The following RNF180 variants were observed in gnomAD, a reference collection of about 807,000 sequenced individuals.
RNF180 encodes the protein ring finger protein 180, also known as E3 ubiquitin-protein ligase RNF180.
In RNF180, 38 loss-of-function variants were observed where a neutral mutation model predicts 59.2. That is an observed-to-expected ratio of 0.64 (90% CI 0.50 to 0.84). RNF180 has a LOEUF of 0.84. RNF180 is among the 40% of genes least tolerant of loss of function. The pLI is 0.00. For missense variants in RNF180, 705 were observed against 700.9 expected, an observed-to-expected ratio of 1.01 and a Z score of -0.07; for synonymous variants, 262 against 240.3, an observed-to-expected ratio of 1.09 and a Z score of -0.84.
At chr5:64,252,449 A>G (rs567345282) in intron 5 of RNF180, among the ~76,000 whole-genome samples, 21 of 152,318 alleles carry the variant, frequency 1.4e-4, no homozygotes, top group Non-Finnish European at 2.9e-4. Context: ...TCACCACAAA[A>G]ATGATAACTG....
Position 64,278,352 on chromosome 5 carries a change from T to A in RNF180, c.1228-46834T>A, listed in dbSNP as rs181584917. Among the ~76,000 whole-genome samples, 16 of 152,134 alleles carry A rather than the reference T, an allele frequency of 1.1e-4. No individual in the cohort carries two copies. In the East Asian group the frequency reaches 3.1e-3, roughly 30 times the overall value. On this transcript the variant is annotated intron_variant, in intron 5 of 7. Transcript: ENST00000389100. ...CTCTGGACTGAGAAAGAGTGGAGAT[T>A]TTTAATAGTCTCAAGAGACACAGAC...
chr5:64,199,171 A>G (rs989460251), intron 1 of RNF180, among the ~76,000 whole-genome samples: 5 of 152,186 alleles, frequency 3.3e-5, no homozygotes, highest in African/African-American at 4.8e-5. Context: ...GGAGTGGTCA[A>G]CTGGGCTAAG....
intron 5 of RNF180, among the ~76,000 whole-genome samples, chr5:64,230,659 G>C (rs1044074558): frequency 6.6e-6 from 1 of 152,210 alleles, no homozygotes; most frequent in Non-Finnish European, 1.5e-5. Flanking sequence ...GCCATTTACA[G>C]GTTCCAGAGA....
intron 5 of RNF180, among the ~76,000 whole-genome samples, chr5:64,286,548 A>G (rs1029768124): frequency 6.6e-6 from 1 of 152,260 alleles, no homozygotes; most frequent in African/African-American, 2.4e-5. Context: ...ATTGGACCTG[A>G]AAAATTGAAT....
At chr5:64,268,837 A>G (rs1744838452) in intron 5 of RNF180, among the ~76,000 whole-genome samples, 1 of 152,178 alleles carries the variant, frequency 6.6e-6, no homozygotes, top group African/African-American at 2.4e-5. Context: ...TGTTAGTTTT[A>G]TGCAGAGCTG....
chr5:64,279,697 C>T lies in RNF180; in HGVS notation c.1228-45489C>T, dbSNP rs146045885. Among the ~76,000 whole-genome samples, 52 of 152,226 alleles carry T rather than the reference C, an allele frequency of 3.4e-4. No homozygotes were observed. The East Asian group carries it at 5.6e-3, about 16-fold the overall frequency. Reference sequence around the variant, plus strand: ...TGAATATTTATTGAGAATCTAAACACATTTTAGACTATTTAGAGTTATCTT... The same window carrying T: ...TGAATATTTATTGAGAATCTAAACATATTTTAGACTATTTAGAGTTATCTT... On this transcript the variant is annotated intron_variant, in intron 5 of 7. Coordinates refer to ENST00000389100, the MANE Select transcript of RNF180 (RefSeq NM_001113561.2).
At chr5:64,330,871 C>A (rs1744876422) in intron 7 of RNF180, among the ~76,000 whole-genome samples, 1 of 152,228 alleles carries the variant, frequency 6.6e-6, no homozygotes, top group Admixed American at 6.5e-5. Flanking sequence ...GCCCTGCCTA[C>A]CCAGGCAAAG....
intron 7 of RNF180, among the ~76,000 whole-genome samples, chr5:64,364,924 T>C (rs1305734936): frequency 6.6e-6 from 1 of 151,538 alleles, no homozygotes; most frequent in Non-Finnish European, 1.5e-5. Context: ...ATATCCCCTT[T>C]GTTGTTTCTG....
intron 5 of RNF180, among the ~76,000 whole-genome samples, chr5:64,289,463 A>G (rs1473607290): frequency 6.6e-6 from 1 of 152,196 alleles, no homozygotes. Flanking sequence ...TTTAGTATAA[A>G]TAGTACTAGC....
intron 2 of RNF180, among the ~76,000 whole-genome samples, chr5:64,211,208 A>C (rs1191034671): frequency 6.6e-6 from 1 of 152,112 alleles, no homozygotes; most frequent in Non-Finnish European, 1.5e-5. Context: ...TCAAAGGGAA[A>C]ACTTTGAGTT....
chr5:64,187,729 C>T (rs1042674207), intron 1 of RNF180, among the ~76,000 whole-genome samples: 13 of 152,136 alleles, frequency 8.5e-5, no homozygotes, highest in South Asian at 2.1e-4. Flanking sequence ...TACAAACTGT[C>T]TTTCACCAAA....
At chr5:64,351,705 T>C (rs562284326) in intron 7 of RNF180, among the ~76,000 whole-genome samples, 1 of 151,800 alleles carries the variant, frequency 6.6e-6, no homozygotes, top group South Asian at 2.1e-4. Context: ...CTGGATTACA[T>C]TTATTGATTT....
At chr5:64,267,824 A>T (rs1299270154) in intron 5 of RNF180, among the ~76,000 whole-genome samples, 1 of 152,124 alleles carries the variant, frequency 6.6e-6, no homozygotes, top group Non-Finnish European at 1.5e-5. Flanking sequence ...TGCAATGATT[A>T]GTGTAAGTAA....
At chr5:64,198,451 C>T (rs893240160) in intron 1 of RNF180, among the ~76,000 whole-genome samples, 3 of 152,140 alleles carry the variant, frequency 2.0e-5, no homozygotes, top group Non-Finnish European at 4.4e-5. Flanking sequence ...ATCATTGATA[C>T]GAAAGCATTG....
chr5:64,361,460 T>C (rs1746249829), intron 7 of RNF180, among the ~76,000 whole-genome samples: 1 of 151,610 alleles, frequency 6.6e-6, no homozygotes, highest in Non-Finnish European at 1.5e-5. Flanking sequence ...TTTTGACTTG[T>C]GAATAATGAG....
At chr5:64,365,585 A>G (rs1746415070) in intron 7 of RNF180, among the ~76,000 whole-genome samples, 1 of 151,734 alleles carries the variant, frequency 6.6e-6, no homozygotes, top group East Asian at 2.0e-4. Context: ...TGGGGTGTTG[A>G]TGGCTCCCAC....
At chr5:64,182,802 G>A (rs904152492) in intron 1 of RNF180, among the ~76,000 whole-genome samples, 1 of 152,200 alleles carries the variant, frequency 6.6e-6, no homozygotes, top group Non-Finnish European at 1.5e-5. Flanking sequence ...AAGGCCACCA[G>A]TATTCATATG....
chr5:64,200,711 T>C, intron 1 of RNF180, 97 bp from the exon 2 acceptor site: 1 of 1,022,234 alleles, frequency 9.8e-7, no homozygotes, highest in East Asian at 2.5e-5. Flanking sequence ...AGTTCCCTGC[T>C]TTACTGTCCA....
At chr5:64,218,583 T>A (rs1561197689) in intron 5 of RNF180, among the ~76,000 whole-genome samples, 1 of 152,200 alleles carries the variant, frequency 6.6e-6, no homozygotes, top group Non-Finnish European at 1.5e-5. Flanking sequence ...AAACTTAAAA[T>A]CAGTCTGTTT....
Sources: allele counts gnomAD v4.1 joint callset (sites outside exome capture counted in the v4.1 genomes callset), GRCh38; gene constraint gnomAD v4.1.1; transcripts MANE v1.5; gene names NCBI Gene and HGNC (gene_info 2026-07-23, HGNC 2026-07-21).